The following CMTM8 variants were observed in gnomAD, a reference collection of about 807,000 sequenced individuals.
The protein encoded by CMTM8 is CKLF like MARVEL transmembrane domain containing 8.
A neutral mutation model predicts 18.6 loss-of-function variants in CMTM8; 12 were observed. The ratio of observed to expected loss-of-function variants is 0.65; its 90% CI spans 0.41 to 1.05. The LOEUF (loss-of-function observed/expected upper bound fraction) is 1.05, where lower values mean the gene tolerates loss of function less well. CMTM8 is among the 50% of genes least tolerant of loss of function. CMTM8 has a pLI of 0.00. For synonymous variants in CMTM8, 87 were observed against 90.6 expected (o/e 0.96, Z 0.23); for missense variants, 217 against 227.2 (o/e 0.95, Z 0.29).
At position 32,291,240 on chromosome 3, in the gene CMTM8, T is replaced by C. The variant is rs546741126; in HGVS notation, c.147+52121T>C. On this transcript the variant is annotated intron_variant, in intron 1 of 3. Transcript: ENST00000307526. ...GCCCCCCGGGTTCACGCCATTCTCC[T>C]GCCTCAGCCTCCTGAGTAGCTGGGA... Among the ~76,000 whole-genome samples, 4 of 152,170 alleles carry C rather than the reference T, an allele frequency of 2.6e-5. No homozygotes were observed. The East Asian group carries it at 7.7e-4, about 29-fold the overall frequency.
At chr3:32,281,963 A>G (rs1296592075) in intron 1 of CMTM8, among the ~76,000 whole-genome samples, 1 of 152,058 alleles carries the variant, frequency 6.6e-6, no homozygotes, top group East Asian at 1.9e-4. Context: ...CAAGAGTGCC[A>G]GGGCTCAGGC....
chr3:32,350,654 G>A (rs966497682), intron 1 of CMTM8, among the ~76,000 whole-genome samples: 2 of 152,108 alleles, frequency 1.3e-5, no homozygotes, highest in African/African-American at 4.8e-5. Flanking sequence ...CCGAGTAGCT[G>A]GGACTAGATA....
intron 1 of CMTM8, among the ~76,000 whole-genome samples, chr3:32,320,946 C>G (rs2125577173): frequency 6.6e-6 from 1 of 152,272 alleles, no homozygotes; most frequent in African/African-American, 2.4e-5. Context: ...CTAACTCCTT[C>G]CTTCTCTACC....
At chr3:32,259,708 C>A in intron 1 of CMTM8, 1 of 1,102,578 alleles carries the variant, frequency 9.1e-7, no homozygotes, top group Non-Finnish European at 1.4e-6. Flanking sequence ...CCCAATATGA[C>A]GAGCTGGCTC....
intron 1 of CMTM8, among the ~76,000 whole-genome samples, chr3:32,265,650 T>G (rs1702328102): frequency 1.3e-5 from 2 of 151,492 alleles, no homozygotes; most frequent in South Asian, 2.1e-4. Flanking sequence ...CTTCAAAAAA[T>G]CAATGAATCC....
At chr3:32,349,469 G>A (rs917536733) in intron 1 of CMTM8, among the ~76,000 whole-genome samples, 1 of 152,096 alleles carries the variant, frequency 6.6e-6, no homozygotes, top group African/African-American at 2.4e-5. Flanking sequence ...CCACTATAAT[G>A]TTCAGACCTT....
chr3:32,339,734 C>T (rs1398368722), intron 1 of CMTM8, among the ~76,000 whole-genome samples: 16 of 152,176 alleles, frequency 1.1e-4, no homozygotes, highest in Admixed American at 1.0e-3. Flanking sequence ...GAGGCCGAGG[C>T]GGGCGGATCA....
At chr3:32,248,728 C>T (rs1490232940) in intron 1 of CMTM8, among the ~76,000 whole-genome samples, 1 of 151,882 alleles carries the variant, frequency 6.6e-6, no homozygotes, top group African/African-American at 2.4e-5. Context: ...CTGTTGCCAG[C>T]CTGTAGTGCA....
chr3:32,276,185 C>T (rs192883351), intron 1 of CMTM8, among the ~76,000 whole-genome samples: 46 of 152,194 alleles, frequency 3.0e-4, no homozygotes, highest in Admixed American at 2.7e-3. Context: ...TCCTGGGTTA[C>T]TCGTCCTCCT....
At chr3:32,328,129 C>T (rs1559380867) in intron 1 of CMTM8, among the ~76,000 whole-genome samples, 1 of 152,092 alleles carries the variant, frequency 6.6e-6, no homozygotes, top group Non-Finnish European at 1.5e-5. Flanking sequence ...AATCCCAGCA[C>T]TTTGGGAGCC....
At chr3:32,310,776 A>C (rs1695804641) in intron 1 of CMTM8, among the ~76,000 whole-genome samples, 1 of 152,258 alleles carries the variant, frequency 6.6e-6, no homozygotes, top group Non-Finnish European at 1.5e-5. Context: ...ACAAGTATAA[A>C]GAATTGTGAA....
chr3:32,273,239 G>C (rs1337083931), intron 1 of CMTM8, among the ~76,000 whole-genome samples: 1 of 151,624 alleles, frequency 6.6e-6, no homozygotes, highest in Non-Finnish European at 1.5e-5. Context: ...TGGGATTACA[G>C]ATGTGAGCCA....
At chr3:32,288,722 G>C (rs751276969) in intron 1 of CMTM8, among the ~76,000 whole-genome samples, 132 of 152,222 alleles carry the variant, frequency 8.7e-4, no homozygotes, top group Non-Finnish European at 1.4e-3. Context: ...GGATGTTCTC[G>C]ATCTCCTGAC....
At chr3:32,258,919 A>G in intron 1 of CMTM8, 1 of 285,258 alleles carries the variant, frequency 3.5e-6, no homozygotes, top group Non-Finnish European at 6.8e-6. Context: ...TCGCTTCCCC[A>G]CCCCACTGCC....
chr3:32,269,124 A>T (rs1257707669), intron 1 of CMTM8, among the ~76,000 whole-genome samples: 1 of 152,212 alleles, frequency 6.6e-6, no homozygotes, highest in East Asian at 1.9e-4. Flanking sequence ...CACTTTAGAG[A>T]CAGAAAGCAG....
chr3:32,350,072 G>C (rs1336799764), intron 1 of CMTM8, among the ~76,000 whole-genome samples: 2 of 152,072 alleles, frequency 1.3e-5, no homozygotes, highest in Non-Finnish European at 2.9e-5. Flanking sequence ...TCCTAATCTA[G>C]AGAATAAACT....
At chr3:32,272,723 A>ATCTTTTCACCCTCCACTCATTGCC (rs1702456983) in intron 1 of CMTM8, among the ~76,000 whole-genome samples, 2 of 152,198 alleles carry the variant, frequency 1.3e-5, no homozygotes, top group Admixed American at 6.5e-5. Flanking sequence ...TGAAAGGGAC[A>ATCTTTTCACCCTCCACTCATTGCC]TCTTTTCACC....
chr3:32,293,077 G>GTATATATATATATATA (rs61467491), intron 1 of CMTM8, among the ~76,000 whole-genome samples: 5 of 145,778 alleles, frequency 3.4e-5, no homozygotes, highest in African/African-American at 1.3e-4. Flanking sequence ...ATATGTGTGT[G>GTATATATATATATATA]TATATATATA....
chr3:32,267,230 A>G (rs1241678446), intron 1 of CMTM8, among the ~76,000 whole-genome samples: 1 of 152,252 alleles, frequency 6.6e-6, no homozygotes, highest in Non-Finnish European at 1.5e-5. Context: ...CCAAAACAGC[A>G]TGATACTGGT....
Sources: gnomAD v4.1 joint callset for allele counts (sites outside exome capture counted in the v4.1 genomes callset) on GRCh38, gnomAD v4.1.1 for gene constraint, MANE v1.5 for transcripts, NCBI Gene and HGNC (gene_info 2026-07-23, HGNC 2026-07-21) for gene names.